The following SVIL variants were observed in gnomAD, a reference collection of about 807,000 sequenced individuals.
SVIL encodes the protein supervillin.
A neutral mutation model predicts 240.4 loss-of-function variants in SVIL; 101 were observed. The ratio of observed to expected loss-of-function variants is 0.42; its 90% confidence interval spans 0.36 to 0.50. The LOEUF is 0.50. SVIL is among the 20% of genes least tolerant of loss of function. SVIL has a pLI of 0.01. For missense variants in SVIL, 2,512 were observed against 2,818.7 expected (o/e 0.89, Z 2.46); for synonymous variants, 999 against 1,100.0 (o/e 0.91, Z 1.82).
chr10:29,676,086 C>T (rs1307161159), intron 2 of SVIL, among the ~76,000 whole-genome samples: 1 of 152,172 alleles, frequency 6.6e-6, no homozygotes, highest in Non-Finnish European at 1.5e-5. Flanking sequence ...CCTTACCTCT[C>T]TCTAATTCCT....
chr10:29,602,675 A>G lies in SVIL; in HGVS notation c.-201+31745T>C, dbSNP rs982530221. On this transcript the variant is annotated intron_variant, in intron 1 of 37. Coordinates refer to ENST00000355867, the MANE Select transcript of SVIL (RefSeq NM_021738.3). The stretch of plus-strand genomic sequence containing the variant: ...ATGGTCAAGCCTGAAAGAAGACTAA[A>G]TATAATTTTTTTAAAAAAGAAAGGG... Among the ~76,000 whole-genome samples, 6 of 152,326 alleles carry G rather than the reference A, an allele frequency of 3.9e-5. No homozygotes were observed. In the East Asian group the frequency reaches 1.2e-3, roughly 29 times the overall value.
chr10:29,711,364 C>T (rs537591571), intron 1 of SVIL, among the ~76,000 whole-genome samples: 2 of 152,326 alleles, frequency 1.3e-5, no homozygotes, highest in South Asian at 2.1e-4. Context: ...CGTGCCACTG[C>T]ACTCCAGCCT....
chr10:29,577,922 C>T (rs945538546), intron 1 of SVIL, among the ~76,000 whole-genome samples: 1 of 152,058 alleles, frequency 6.6e-6, no homozygotes, highest in African/African-American at 2.4e-5. Flanking sequence ...TTATAGATGA[C>T]TCAAATAAAT....
At chr10:29,615,363 T>G (rs1486919810) in intron 1 of SVIL, among the ~76,000 whole-genome samples, 1 of 152,250 alleles carries the variant, frequency 6.6e-6, no homozygotes, top group Non-Finnish European at 1.5e-5. Flanking sequence ...TTACCATATT[T>G]TCCCCACCAA....
intron 2 of SVIL, among the ~76,000 whole-genome samples, chr10:29,669,774 G>GAAAATGTATTGATATTGCTGT (rs1959620770): frequency 1.3e-5 from 2 of 152,146 alleles, no homozygotes; most frequent in African/African-American, 4.8e-5. Context: ...TGAATTGCTG[G>GAAAATGTATTGATATTGCTGT]AAAATGTATT....
At chr10:29,526,598 TG>T (rs1275609474) in intron 13 of SVIL, among the ~76,000 whole-genome samples, 1 of 152,184 alleles carries the variant, frequency 6.6e-6, no homozygotes, top group Non-Finnish European at 1.5e-5. Flanking sequence ...CCACCGCGCC[TG>T]GCCAATGTCC....
chr10:29,473,113 G>A (rs1460393432), intron 30 of SVIL, among the ~76,000 whole-genome samples: 2 of 152,060 alleles, frequency 1.3e-5, no homozygotes, highest in Non-Finnish European at 2.9e-5. Context: ...AGAGGCTGGA[G>A]TGGCCTGGGT....
At position 29,735,543 on chromosome 10, in the gene SVIL, G is replaced by T. The variant is rs1196339618; in HGVS notation, c.-400+208C>A. On this transcript the variant is annotated intron_variant, in intron 1 of 35. Transcript: ENST00000375400. The surrounding 1 kb of genome is among the most constrained non-coding windows in gnomAD (Gnocchi z 4.1). The stretch of plus-strand genomic sequence containing the variant: ...GGGGACCCCGCGGGCCGAGCGCAGC[G>T]CCCCGTCGCAGCGGCCCGGGCACCC... 6.7e-6 allele frequency among the ~76,000 whole-genome samples: 1 copy of T among 150,058 alleles called. No individual in the cohort carries two copies. The highest frequency in any genetic ancestry group is 2.4e-5 in the African/African-American group (1 of 40,940).
intron 18 of SVIL, among the ~76,000 whole-genome samples, chr10:29,498,395 G>A (rs1345399960): frequency 1.3e-5 from 2 of 152,150 alleles, no homozygotes; most frequent in Non-Finnish European, 2.9e-5. Context: ...TCCAGCCTGG[G>A]CAACAAGAGT....
At chr10:29,503,031 A>C (rs1329588221) in intron 17 of SVIL, among the ~76,000 whole-genome samples, 1 of 152,198 alleles carries the variant, frequency 6.6e-6, no homozygotes, top group Admixed American at 6.5e-5. Context: ...TGGCTTTTAA[A>C]ATTTTTTTTA....
intron 6 of SVIL, among the ~76,000 whole-genome samples, chr10:29,544,754 TA>T (rs373279682): frequency 0.22 from 15,717 of 70,358 alleles, 771 homozygotes; most frequent in Admixed American, 0.27. Flanking sequence ...AGACCTTTTC[TA>T]AAAAAAAAAA....
intron 26 of SVIL, among the ~76,000 whole-genome samples, chr10:29,485,791 G>T (rs1356349617): frequency 6.6e-6 from 1 of 152,162 alleles, no homozygotes; most frequent in African/African-American, 2.4e-5. Context: ...TTATTATAAT[G>T]TTTATGCAAA....
intron 17 of SVIL, among the ~76,000 whole-genome samples, chr10:29,503,530 G>T (rs1949056129): frequency 6.6e-6 from 1 of 152,132 alleles, no homozygotes; most frequent in African/African-American, 2.4e-5. Context: ...AGAAAGAAAA[G>T]GAGTGACTTG....
At chr10:29,482,135 C>A (rs1002321182) in intron 27 of SVIL, among the ~76,000 whole-genome samples, 1 of 151,100 alleles carries the variant, frequency 6.6e-6, no homozygotes, top group Admixed American at 6.7e-5. Flanking sequence ...CTGCAGTGAT[C>A]CTCCTGCCTC....
chr10:29,519,001 G>A (rs1250982694), intron 16 of SVIL, among the ~76,000 whole-genome samples: 1 of 152,208 alleles, frequency 6.6e-6, no homozygotes, highest in Non-Finnish European at 1.5e-5. Context: ...CAAGGCTGAA[G>A]AAGACAGACC....
intron 29 of SVIL, among the ~76,000 whole-genome samples, chr10:29,474,391 C>T (rs1250889862): frequency 6.6e-6 from 1 of 152,064 alleles, no homozygotes; most frequent in African/African-American, 2.4e-5. Flanking sequence ...GTCAGGATTT[C>T]AAGACCAGCC....
chr10:29,659,459 C>A (rs1480925072), intron 2 of SVIL, among the ~76,000 whole-genome samples: 1 of 152,182 alleles, frequency 6.6e-6, no homozygotes, highest in Non-Finnish European at 1.5e-5. Context: ...CAGCTGGCAC[C>A]ACACCAGGCA....
chr10:29,514,595 C>A (rs1432820926), intron 16 of SVIL, among the ~76,000 whole-genome samples: 11 of 152,116 alleles, frequency 7.2e-5, no homozygotes, highest in Admixed American at 4.6e-4. Flanking sequence ...TTGCCCAGGG[C>A]AGTTTTGAAC....
intron 1 of SVIL, among the ~76,000 whole-genome samples, chr10:29,632,810 G>A (rs924801079): frequency 1.6e-4 from 24 of 149,452 alleles, no homozygotes; most frequent in African/African-American, 6.0e-4. Flanking sequence ...GCCTCATCCA[G>A]TGATCAAGGT....
Sources: allele counts gnomAD v4.1 joint callset (sites outside exome capture counted in the v4.1 genomes callset), GRCh38; gene constraint gnomAD v4.1.1; non-coding constraint Gnocchi (gnomAD v3.1); transcripts MANE v1.5; gene names NCBI Gene and HGNC (gene_info 2026-07-23, HGNC 2026-07-21).